CPA5: variants seen among roughly 807,000 people sequenced by gnomAD.
CPA5 encodes the protein carboxypeptidase A5.
CPA5 carries 38 observed loss-of-function variants against 52.2 expected under a neutral mutation model. The observed-to-expected ratio is 0.73, with a 90% confidence interval of 0.56 to 0.95. The LOEUF (loss-of-function observed/expected upper bound fraction) is 0.95. Among genes scored for constraint, CPA5 ranks in the 40% least tolerant of loss-of-function variants. The pLI is 0.00. For synonymous variants in CPA5, 198 were observed against 213.7 expected (o/e 0.93, Z 0.64); for missense variants, 519 against 566.7 (o/e 0.92, Z 0.86).
intron 5 of CPA5, among the ~76,000 whole-genome samples, chr7:130,354,681 A>G (rs1204729927): frequency 6.6e-6 from 1 of 151,926 alleles, no homozygotes; most frequent in East Asian, 1.9e-4. Context: ...CCCAAAGTGC[A>G]GGGATCATAG....
In CPA5 at chr7:130,347,458, C is replaced by T. The variant is rs1038851960; in HGVS notation, c.117-308C>T. Among the ~76,000 whole-genome samples, 16 of 152,172 alleles carry T rather than the reference C, an allele frequency of 1.1e-4. No homozygotes were observed. In the South Asian group the frequency reaches 3.3e-3, roughly 32 times the overall value. ...ATCGCCCCCCTCCCCATTCCTTTCC[C>T]TTCCTTCTTCCCCTGGCTTGGCCTT... On this transcript the variant is annotated intron_variant, in intron 3 of 12. Coordinates refer to ENST00000474905, the MANE Select transcript of CPA5 (RefSeq NM_080385.5).
intron 12 of CPA5, 98 bp downstream of exon 12, chr7:130,368,088 C>A: frequency 8.8e-7 from 1 of 1,132,034 alleles, no homozygotes; most frequent in Non-Finnish European, 1.3e-6. Context: ...CCCAAAGCTG[C>A]CTCCCACACT....
At chr7:130,348,167 G>A (rs1261181349) in intron 4 of CPA5, among the ~76,000 whole-genome samples, 12 of 152,182 alleles carry the variant, frequency 7.9e-5, no homozygotes, top group African/African-American at 2.2e-4. Flanking sequence ...AGGGCACAAT[G>A]TCTCTGGGTG....
downstream of CPA5, among the ~76,000 whole-genome samples, chr7:130,372,591 G>C (rs1796305522): frequency 1.3e-5 from 2 of 152,218 alleles, no homozygotes; most frequent in South Asian, 4.1e-4. Context: ...CAGGCAGGAA[G>C]AGCAAGGGGC....
intron 4 of CPA5, among the ~76,000 whole-genome samples, chr7:130,349,302 C>T (rs912463121): frequency 2.0e-5 from 3 of 151,946 alleles, no homozygotes; most frequent in African/African-American, 4.8e-5. Flanking sequence ...GGTGTGGTGG[C>T]GTGCACCTGT....
intron 5 of CPA5, among the ~76,000 whole-genome samples, chr7:130,357,216 T>G (rs1358020729): frequency 4.6e-5 from 7 of 152,138 alleles, no homozygotes; most frequent in Non-Finnish European, 1.0e-4. Flanking sequence ...AACCTGAACG[T>G]TGTAAGCAAG....
intron 8 of CPA5, 48 bp downstream of exon 8, chr7:130,362,587 C>A (rs1554407088): frequency 4.4e-6 from 6 of 1,368,222 alleles, no homozygotes; most frequent in East Asian, 2.3e-5. Context: ...GGGGCTGCAA[C>A]TGGGGGCAGG....
At chr7:130,370,051 G>A (rs535524153), downstream of CPA5, among the ~76,000 whole-genome samples, 2 of 152,384 alleles carry the variant, frequency 1.3e-5, no homozygotes, top group South Asian at 2.1e-4. Context: ...TGGTGCAGCT[G>A]TGGAGAGCTC....
At chr7:130,366,282 T>G (rs1215201470) in intron 10 of CPA5, among the ~76,000 whole-genome samples, 1 of 152,108 alleles carries the variant, frequency 6.6e-6, no homozygotes. Context: ...CTCAGGAGAC[T>G]TCAGAAGTTG....
chr7:130,346,824 G>T (rs1554402342), intron 3 of CPA5, among the ~76,000 whole-genome samples: 1 of 152,168 alleles, frequency 6.6e-6, no homozygotes, highest in Non-Finnish European at 1.5e-5. Flanking sequence ...CCAGAGTCCA[G>T]GAGGAAGCCC....
intron 3 of CPA5, 95 bp downstream of exon 3, chr7:130,346,696 A>C: frequency 1.0e-6 from 1 of 959,020 alleles, no homozygotes; most frequent in Non-Finnish European, 1.6e-6. Flanking sequence ...TGCCTGATCA[A>C]GGCGGAGAGT....
chr7:130,369,878 T>C (rs1562964290), downstream of CPA5, among the ~76,000 whole-genome samples: 1 of 152,374 alleles, frequency 6.6e-6, no homozygotes, highest in Admixed American at 6.5e-5. Context: ...CCCTTTCCAT[T>C]CAGCCTGTGA....
intron 3 of CPA5, 116 bp downstream of exon 3, chr7:130,346,717 G>A: frequency 3.8e-6 from 3 of 798,962 alleles, no homozygotes; most frequent in Non-Finnish European, 6.2e-6. Context: ...CAGGATGTGG[G>A]TTCCTGTCCT....
At position 130,350,726 on chromosome 7, in the gene CPA5, T is replaced by A. The variant is rs150458607; in HGVS notation, c.333+617T>A. ...TTGGGTAGGACAAAGGTAGCCTTCA[T>A]CCTGGACACCCCAGTCTCCCTGCTG... is the stretch of plus-strand genomic sequence containing the variant. On this transcript the variant is annotated intron_variant, in intron 5 of 12. Coordinates refer to ENST00000474905, the MANE Select transcript of CPA5 (RefSeq NM_080385.5). 1.4e-4 allele frequency among the ~76,000 whole-genome samples: 22 copies of A among 152,324 alleles called. No homozygotes were observed. The East Asian group carries it at 4.3e-3, about 29-fold the overall frequency.
chr7:130,363,531 G>C lies in CPA5; in HGVS notation c.838+22G>C, dbSNP rs369308353. On this transcript the variant is annotated intron_variant, in intron 10 of 12. Transcript: ENST00000474905. ...GGAGGTATGGCAACCTGCTGTCCTGGGGCAGGGTTGGAGAAGAGGTGTTGG... is the reference window on the plus strand; with the variant it reads ...GGAGGTATGGCAACCTGCTGTCCTGCGGCAGGGTTGGAGAAGAGGTGTTGG... 1.9e-6 allele frequency: 3 copies of C among 1,558,176 alleles called. No individual in the cohort carries two copies. The African/African-American group carries it at 4.0e-5, about 21-fold the overall frequency.
intron 10 of CPA5, among the ~76,000 whole-genome samples, chr7:130,367,049 A>G (rs1172564071): frequency 2.0e-5 from 3 of 152,220 alleles, no homozygotes; most frequent in African/African-American, 7.2e-5. Flanking sequence ...AAAGTCCAAC[A>G]TGAACAGGTG....
rs184053633 is a variant in CPA5 at position 130,351,984 on chromosome 7, C to T, written c.333+1875C>T. 3.3e-3 allele frequency among the ~76,000 whole-genome samples: 497 copies of T among 152,202 alleles called. 4 individuals are homozygous for T. The highest frequency in any genetic ancestry group is 0.011 in the African/African-American group (470 of 41,518). Reference sequence around the variant, plus strand: ...TCAGCCAAGGTTCAGCTCCACGCTCCGTGTCAATCTTCCTACCCCAGTACC... The same window carrying T: ...TCAGCCAAGGTTCAGCTCCACGCTCTGTGTCAATCTTCCTACCCCAGTACC... On this transcript the variant is annotated intron_variant, in intron 5 of 12. Transcript: ENST00000474905.
In CPA5 at chr7:130,363,456, G is replaced by A; in HGVS notation, c.785G>A (p.Gly262Glu). 6.3e-7 allele frequency: 1 copy of A among 1,583,440 alleles called. No homozygotes were observed. Among genetic ancestry groups the A allele is most frequent in the Admixed American group, 1.8e-5 (1 of 54,526 alleles). The change falls in exon 10 of 13, where the codon GGA becomes GAA. Residue 262 changes from glycine to glutamate, a missense_variant. By Grantham distance (98) the Gly-to-Glu change is moderately conservative. Coordinates refer to ENST00000474905, the MANE Select transcript of CPA5 (RefSeq NM_080385.5). ...CGGAAGAACAAGTCCATCAGACCTG[G>A]AATCTTCTGCATCGGCGTGGATCTC... ...LWRKNKSIRP[G>E]IFCIGVDLNR... is the part of the protein sequence containing the mutation.
chr7:130,369,357 A>G (rs1403082942), downstream of CPA5, among the ~76,000 whole-genome samples: 1 of 152,136 alleles, frequency 6.6e-6, no homozygotes, highest in Non-Finnish European at 1.5e-5. Flanking sequence ...TTAAAGGGGC[A>G]CTCGTGAGAT....
Sources: gnomAD v4.1 joint callset for allele counts (sites outside exome capture counted in the v4.1 genomes callset) on GRCh38, gnomAD v4.1.1 for gene constraint, MANE v1.5 for transcripts, NCBI Gene and HGNC (gene_info 2026-07-23, HGNC 2026-07-21) for gene names.